SF3A3: variants seen among roughly 807,000 people sequenced by gnomAD.
SF3A3 encodes the protein SAP 61.
Under a neutral mutation model 85.8 loss-of-function variants are expected in SF3A3, and 9 were observed. The ratio of observed to expected loss-of-function variants is 0.10; its 90% confidence interval spans 0.06 to 0.18. The LOEUF is 0.18. Ranked by LOEUF, SF3A3 falls within the 10% of genes least tolerant of loss-of-function variation. The pLI is 1.00. For missense variants in SF3A3, 306 were observed against 593.3 expected (o/e 0.52, Z 5.03); for synonymous variants, 195 against 204.4 (o/e 0.95, Z 0.39).
chr1:37,985,179 G>C (rs985969182), intron 4 of SF3A3, among the ~76,000 whole-genome samples: 1 of 152,192 alleles, frequency 6.6e-6, no homozygotes, highest in African/African-American at 2.4e-5. Context: ...GACTTCTGAT[G>C]ATTTATTTGG....
At chr1:37,977,025 C>T (rs1646383773) in intron 11 of SF3A3, 72 bp from the exon 12 acceptor site, 3 of 1,004,918 alleles carry the variant, frequency 3.0e-6, no homozygotes, top group Non-Finnish European at 4.7e-6. Context: ...TATCTGGGAA[C>T]ATTTATTGCA....
chr1:37,963,872 T>TAAAAAAA (rs771447218), intron 15 of SF3A3, among the ~76,000 whole-genome samples: 5 of 81,816 alleles, frequency 6.1e-5, no homozygotes, highest in African/African-American at 2.7e-4. Flanking sequence ...ATGATATTCT[T>TAAAAAAA]AAAAAAAAAA....
chr1:37,966,522 T>A (rs564527117), intron 15 of SF3A3, among the ~76,000 whole-genome samples: 1 of 152,244 alleles, frequency 6.6e-6, no homozygotes, highest in South Asian at 2.1e-4. Context: ...AACCATTCAA[T>A]CAAAATCTTG....
At chr1:37,961,040 A>G (rs1646254248) in intron 15 of SF3A3, among the ~76,000 whole-genome samples, 1 of 152,168 alleles carries the variant, frequency 6.6e-6, no homozygotes, top group Non-Finnish European at 1.5e-5. Flanking sequence ...GTCCACTGCC[A>G]GAGAGGGAAG....
At chr1:37,978,923 G>A (rs1646398121) in intron 10 of SF3A3, 65 bp downstream of exon 10, 8 of 1,552,296 alleles carry the variant, frequency 5.2e-6, no homozygotes, top group Admixed American at 1.7e-5. Flanking sequence ...TGGAATCAGA[G>A]CTACTTAGAA....
chr1:37,981,844 GT>G, intron 6 of SF3A3, 33 bp from the exon 7 acceptor site: 2 of 1,268,514 alleles, frequency 1.6e-6, no homozygotes, highest in Non-Finnish European at 2.3e-6. Context: ...AAGAAATTCA[GT>G]TAGGTATTTA....
intron 4 of SF3A3, among the ~76,000 whole-genome samples, chr1:37,985,218 C>T (rs1274502684): frequency 6.6e-6 from 1 of 152,216 alleles, no homozygotes; most frequent in Non-Finnish European, 1.5e-5. Flanking sequence ...AAATCTACTA[C>T]TGTTCTCCAA....
chr1:37,977,573 A>C (rs891749872), intron 11 of SF3A3, among the ~76,000 whole-genome samples: 4 of 151,962 alleles, frequency 2.6e-5, no homozygotes, highest in Admixed American at 2.6e-4. Flanking sequence ...ACGGTGGCTC[A>C]CATGCCTGTA....
intron 6 of SF3A3, 139 bp downstream of exon 6, chr1:37,984,030 T>C: frequency 2.0e-6 from 1 of 507,410 alleles, no homozygotes; most frequent in South Asian, 3.5e-5. Flanking sequence ...CAAGAGAGCA[T>C]ATCACCTCTT....
chr1:37,979,043 G>A lies in SF3A3; in HGVS notation c.772C>T (p.Leu258=). 6.2e-7 allele frequency: 1 copy of A among 1,613,814 alleles called. No homozygotes were observed. Among genetic ancestry groups the A allele is most frequent in the Non-Finnish European group, 8.5e-7 (1 of 1,179,748 alleles). The change falls in exon 10 of 17, where the codon CTG becomes TTG. Residue 258 remains leucine (L), a synonymous_variant. Coordinates refer to ENST00000373019, the MANE Select transcript of SF3A3 (RefSeq NM_006802.4). ...GCAGATTTCAATCTGTCCAAACCCAGAGAAGCCAACTCCTATACAAAGAAG... is the reference window on the plus strand; with the variant it reads ...GCAGATTTCAATCTGTCCAAACCCAAAGAAGCCAACTCCTATACAAAGAAG... ...AFSSWEELAS[L]GLDRLKSALL... is the part of the protein sequence containing the mutation.
Position 37,969,652 on chromosome 1 carries a change from C to G in SF3A3, c.1089G>C (p.Gln363His). The change falls in exon 13 of 17, where the codon CAG (glutamine) becomes CAC (histidine). Residue 363 changes from glutamine (Q) to histidine (H), a missense_variant. Transcript: ENST00000373019. The part of the protein sequence containing the change: ...GEEREEEEEE[Q>H]ISESESEDEE... ...CATCTTCACTCTCACTCTCACTGAT[C>G]TGCTCTTCTTCCTCTTCTTCTCGCT... The G allele has an allele frequency of 6.2e-7, 1 of 1,614,014 alleles. No individual in the cohort carries two copies. The highest frequency in any genetic ancestry group is 8.5e-7 in the Non-Finnish European group (1 of 1,179,846).
chr1:37,979,773 C>T lies in SF3A3; in HGVS notation c.691-240G>A, dbSNP rs569439670. On this transcript the variant is annotated intron_variant, in intron 8 of 16. Coordinates refer to ENST00000373019, the MANE Select transcript of SF3A3 (RefSeq NM_006802.4). ...TCAGGAGTCTAAGGTGGGAAGATCT[C>T]TTGAGCCCACAAGGTTGAGGCTGCA... 3.9e-5 allele frequency among the ~76,000 whole-genome samples: 6 copies of T among 152,254 alleles called. No individual in the cohort carries two copies. The East Asian group carries it at 9.6e-4, about 24-fold the overall frequency.
At chr1:37,979,241 T>TA in intron 9 of SF3A3, 186 bp from the exon 10 acceptor site, 1 of 624,324 alleles carries the variant, frequency 1.6e-6, no homozygotes, top group Non-Finnish European at 2.9e-6. Context: ...ACCATACTGA[T>TA]AGTGTTCCAT....
At chr1:37,984,508 G>A (rs112818598) in intron 5 of SF3A3, among the ~76,000 whole-genome samples, 199 bp downstream of exon 5, 3 of 152,362 alleles carry the variant, frequency 2.0e-5, no homozygotes, top group African/African-American at 7.2e-5. Flanking sequence ...TTCCAAGCCA[G>A]TAAATTTGAG....
intron 12 of SF3A3, among the ~76,000 whole-genome samples, chr1:37,971,207 A>T (rs181246208): frequency 6.6e-6 from 1 of 151,366 alleles, no homozygotes; most frequent in East Asian, 1.9e-4. Flanking sequence ...ACAAACTACC[A>T]TCAGAGAATA....
chr1:37,988,198 AAAG>A (rs1646469056), intron 2 of SF3A3, among the ~76,000 whole-genome samples: 2 of 152,328 alleles, frequency 1.3e-5, no homozygotes, highest in African/African-American at 4.8e-5. Context: ...CCTCAAAGAT[AAAG>A]ATGATATTCA....
chr1:37,968,893 T>G (rs1646320082), intron 14 of SF3A3, among the ~76,000 whole-genome samples: 1 of 152,174 alleles, frequency 6.6e-6, no homozygotes, highest in South Asian at 2.1e-4. Flanking sequence ...AGCAGTATCA[T>G]CCGGACAATA....
At chr1:37,964,186 A>T (rs906750863) in intron 15 of SF3A3, among the ~76,000 whole-genome samples, 2 of 152,014 alleles carry the variant, frequency 1.3e-5, no homozygotes, top group Admixed American at 6.6e-5. Flanking sequence ...TCAAATAAAA[A>T]ACAAGAACAA....
intron 7 of SF3A3, 39 bp from the exon 8 acceptor site, chr1:37,980,763 T>A (rs1324225574): frequency 3.2e-6 from 5 of 1,545,012 alleles, no homozygotes; most frequent in South Asian, 1.2e-5. Context: ...GCAAAAAGGG[T>A]TTCTATTTTT....
Sources: gnomAD v4.1 joint callset for allele counts (sites outside exome capture counted in the v4.1 genomes callset) on GRCh38, gnomAD v4.1.1 for gene constraint, MANE v1.5 for transcripts, NCBI Gene and HGNC (gene_info 2026-07-23, HGNC 2026-07-21) for gene names.